Variants in HTT observed in about 807,000 individuals in gnomAD.
HTT encodes the protein huntington disease protein.
Under a neutral mutation model 362.3 loss-of-function variants are expected in HTT, and 104 were observed. The ratio of observed to expected loss-of-function variants is 0.29; its 90% CI spans 0.24 to 0.34. The LOEUF (loss-of-function observed/expected upper bound fraction) is 0.34. HTT is among the 10% of genes least tolerant of loss of function. The pLI, the probability that HTT is intolerant of heterozygous loss-of-function variation, is 1.00. For missense variants in HTT, 3,301 were observed against 3,928.6 expected, an observed-to-expected ratio of 0.84 and a Z score of 4.27; for synonymous variants, 1,577 against 1,548.7, an observed-to-expected ratio of 1.02 and a Z score of -0.43.
At chr4:3,179,746 C>G (rs918351264) in intron 35 of HTT, among the ~76,000 whole-genome samples, 2 of 137,900 alleles carry the variant, frequency 1.5e-5, no homozygotes, top group African/African-American at 5.6e-5. Flanking sequence ...GAGTGTGCCT[C>G]TGTGTGTGCT....
At chr4:3,118,905 A>G (rs1244850180) in intron 8 of HTT, among the ~76,000 whole-genome samples, 1 of 152,216 alleles carries the variant, frequency 6.6e-6, no homozygotes, top group East Asian at 1.9e-4. Flanking sequence ...TTAAATTACC[A>G]TGAGACGTTC....
At chr4:3,120,874 T>G (rs968658695) in intron 8 of HTT, among the ~76,000 whole-genome samples, 1 of 152,200 alleles carries the variant, frequency 6.6e-6, no homozygotes, top group African/African-American at 2.4e-5. Flanking sequence ...CATAATAGTG[T>G]TTTTTGATTT....
chr4:3,180,543 C>T lies in HTT; in HGVS notation c.4641C>T (p.His1547=), dbSNP rs774235259. The T allele has an allele frequency of 8.7e-6, 14 of 1,611,602 alleles. No individual in the cohort carries two copies. The Admixed American group carries it at 1.0e-4, about 12-fold the overall frequency. The part of the protein sequence containing the change: ...HAIPALQPIV[H]DLFVLRGTNK... ...TACCGGCTCTGCAGCCCATAGTCCA[C>T]GACCTCTTTGTATTAAGAGGAACAA... The change falls in exon 36 of 67, where the codon CAC becomes CAT. Residue 1547 remains histidine, a synonymous_variant. Transcript: ENST00000355072.
chr4:3,188,664 C>A (rs363122), intron 39 of HTT: 3,224 of 247,588 alleles, frequency 0.013, 52 homozygotes, highest in African/African-American at 0.046. Context: ...ATTGATGATA[C>A]ATTAAATTCC....
intron 1 of HTT, among the ~76,000 whole-genome samples, 162 bp downstream of exon 1, chr4:3,075,250 T>G (rs1276607607): frequency 6.6e-6 from 1 of 152,162 alleles, no homozygotes; most frequent in African/African-American, 2.4e-5. Flanking sequence ...CGCCCCCTCC[T>G]GGGGCGAGGC....
rs528459094 is a variant in HTT, at chr4:3,216,646, C to T, written c.7055-1119C>T. ...GGGTGAAGATGATTATGCTTATTCC[C>T]CATGGCCCTCTTTAGGCAAGAGTGG... On this transcript the variant is annotated intron_variant, in intron 51 of 66. Coordinates refer to ENST00000355072, the MANE Select transcript of HTT (RefSeq NM_001388492.1). Among the ~76,000 whole-genome samples, 3 of 152,300 alleles carry T rather than the reference C, an allele frequency of 2.0e-5. No homozygotes were observed. The East Asian group carries it at 5.8e-4, about 29-fold the overall frequency.
At position 3,230,111 on chromosome 4, in the gene HTT, G is replaced by A. The variant is rs188160817; in HGVS notation, c.8265+69G>A. 316 of 1,403,664 alleles carry A rather than the reference G, an allele frequency of 2.3e-4. 1 individual carries two copies. In the African/African-American group the frequency reaches 4.0e-3, roughly 18 times the overall value. 87.0% of individuals were successfully genotyped at this position (1,403,664 alleles called of 1,614,324 possible). A position where few individuals can be genotyped will look rare whatever the true frequency, so the allele number is the denominator to read the frequency against. On this transcript the variant is annotated intron_variant, in intron 60 of 66. Transcript: ENST00000355072. The stretch of plus-strand genomic sequence containing the variant: ...GGGCCCATCTGCCTTGGGACCTGGT[G>A]TTGGCCAGAGGTGCCGGGTGCGGCT...
At chr4:3,114,600 T>G (rs1430369988) in intron 6 of HTT, among the ~76,000 whole-genome samples, 5 of 152,234 alleles carry the variant, frequency 3.3e-5, no homozygotes, top group African/African-American at 1.2e-4. Flanking sequence ...ATGATTGGAA[T>G]CAAGTCATGG....
In HTT at chr4:3,075,035, G is replaced by A; in HGVS notation, c.210G>A (p.Pro70=). The change falls in exon 1 of 67, where the codon CCG becomes CCA. Residue 70 remains proline (P), a synonymous_variant. Coordinates refer to ENST00000355072, the MANE Select transcript of HTT (RefSeq NM_001388492.1). The part of the protein sequence containing the change: ...PLLPQPQPPP[P]PPPPPPGPAV... Reference sequence around the variant, plus strand: ...TGCCTCAGCCGCAGCCGCCCCCGCCGCCGCCCCCGCCGCCACCCGGCCCGG... The same window carrying A: ...TGCCTCAGCCGCAGCCGCCCCCGCCACCGCCCCCGCCGCCACCCGGCCCGG... 1 of 1,247,062 alleles carries A rather than the reference G, an allele frequency of 8.0e-7. No homozygotes were observed. Among genetic ancestry groups the A allele is most frequent in the Non-Finnish European group, 1.0e-6 (1 of 1,002,030 alleles). 77.2% of individuals were successfully genotyped at this position (1,247,062 alleles called of 1,614,324 possible).
chr4:3,143,028 G>T, intron 23 of HTT, 142 bp downstream of exon 23: 1 of 607,928 alleles, frequency 1.6e-6, no homozygotes, highest in South Asian at 2.8e-5. Flanking sequence ...AAGAAATTGT[G>T]CTTCTGTGAA....
chr4:3,101,959 G>A (rs1714178762), intron 3 of HTT, among the ~76,000 whole-genome samples: 5 of 152,222 alleles, frequency 3.3e-5, no homozygotes. Flanking sequence ...CCAGGAAGCT[G>A]TGGAGGCTGA....
At chr4:3,135,867 CT>C (rs750097412) in intron 19 of HTT, 36 bp from the exon 20 acceptor site, 4 of 1,551,186 alleles carry the variant, frequency 2.6e-6, no homozygotes, top group Non-Finnish European at 3.5e-6. Context: ...TACTGAGTAA[CT>C]AAATGATTTC....
intron 7 of HTT, among the ~76,000 whole-genome samples, chr4:3,115,779 T>C (rs979628590): frequency 1.3e-5 from 2 of 152,176 alleles, no homozygotes; most frequent in African/African-American, 4.8e-5. Flanking sequence ...TGTAGGTCAG[T>C]TGACAGTTTC....
chr4:3,107,465 G>T, intron 6 of HTT, 42 bp downstream of exon 6: 1 of 1,607,458 alleles, frequency 6.2e-7, no homozygotes, highest in Non-Finnish European at 8.5e-7. Context: ...GAGTGATGCT[G>T]TGAGTGAGTC....
chr4:3,101,636 T>C (rs938556378), intron 3 of HTT, among the ~76,000 whole-genome samples: 1 of 152,230 alleles, frequency 6.6e-6, no homozygotes, highest in African/African-American at 2.4e-5. Flanking sequence ...AGGTTCTACT[T>C]AGCCCAAGAA....
chr4:3,154,385 G>T lies in HTT; in HGVS notation c.3591G>T (p.Pro1197=). 3.7e-6 allele frequency: 6 copies of T among 1,613,890 alleles called. No homozygotes were observed. Among genetic ancestry groups the T allele is most frequent in the Middle Eastern group, 1.6e-4 (1 of 6,062 alleles). ...EKEPGEQASV[P]LSPKKGSEAS... is the part of the protein sequence containing the mutation. The stretch of plus-strand genomic sequence containing the variant: ...AACCAGGAGAACAAGCATCTGTACC[G>T]TTGAGTCCCAAGAAAGGCAGTGAGG... The change falls in exon 27 of 67, where the codon CCG becomes CCT. Residue 1197 remains proline, a synonymous_variant. Transcript: ENST00000355072.
At chr4:3,084,011 T>C (rs1034470609) in intron 1 of HTT, among the ~76,000 whole-genome samples, 26 of 152,136 alleles carry the variant, frequency 1.7e-4, no homozygotes, top group African/African-American at 5.8e-4. Flanking sequence ...AGGTTATACA[T>C]ACTGTATGAT....
intron 16 of HTT, among the ~76,000 whole-genome samples, chr4:3,132,102 C>G (rs1715849725): frequency 6.6e-6 from 1 of 152,240 alleles, no homozygotes; most frequent in African/African-American, 2.4e-5. Context: ...CATTCACACT[C>G]AGGGTGAGTG....
intron 40 of HTT, 148 bp downstream of exon 40, chr4:3,189,241 TGA>T: frequency 1.3e-6 from 1 of 746,768 alleles, no homozygotes; most frequent in Non-Finnish European, 2.2e-6. Flanking sequence ...AGAGTACACC[TGA>T]TACCATGTGA....
Sources: allele counts gnomAD v4.1 joint callset (sites outside exome capture counted in the v4.1 genomes callset), GRCh38; gene constraint gnomAD v4.1.1; transcripts MANE v1.5; gene names NCBI Gene and HGNC (gene_info 2026-07-23, HGNC 2026-07-21).